The following HP1BP3 variants were observed in gnomAD, a reference collection of about 807,000 sequenced individuals.
The protein encoded by HP1BP3 is heterochromatin protein 1-binding protein 3.
In HP1BP3, 12 loss-of-function variants were observed where a neutral mutation model predicts 62.5. That is an observed-to-expected ratio of 0.19 (90% confidence interval 0.12 to 0.31). The LOEUF (loss-of-function observed/expected upper bound fraction) is 0.31, where lower values mean the gene tolerates loss of function less well. HP1BP3 is among the 10% of genes least tolerant of loss of function. The pLI is 1.00. For missense variants in HP1BP3, 502 were observed against 651.8 expected (o/e 0.77, Z 2.50); for synonymous variants, 260 against 237.8 (o/e 1.09, Z -0.86).
Position 20,780,482 on chromosome 1 carries a change from GCCTCTGCT to G in HP1BP3, c.-50_-43del. 7.3e-7 allele frequency: 1 copy of G among 1,374,110 alleles called. No individual in the cohort carries two copies. The highest frequency in any genetic ancestry group is 1.0e-6 in the Non-Finnish European group (1 of 961,716). The allele number at this position is 1,374,110 out of a possible 1,614,324, so 85.1% of individuals were successfully genotyped here. ...GCCCGAGTACAGGTTACACTCTGAA[GCCTCTGCT>G]GTTAACCACAAGGATTTTTCCTAAT... On this transcript the variant is annotated 5_prime_UTR_variant, in exon 2 of 13. Transcript: ENST00000438032.
At chr1:20,751,733 T>C (rs1252716951) in intron 9 of HP1BP3, among the ~76,000 whole-genome samples, 3 of 121,320 alleles carry the variant, frequency 2.5e-5, no homozygotes, top group African/African-American at 9.5e-5. Context: ...TAAAAATAAA[T>C]AATAAACTAA....
intron 1 of HP1BP3, among the ~76,000 whole-genome samples, chr1:20,782,908 G>GAAAA (rs1056907677): frequency 5.0e-5 from 6 of 119,884 alleles, no homozygotes; most frequent in Non-Finnish European, 5.1e-5. Flanking sequence ...TCAAAAAAAA[G>GAAAA]AAAAAAAAAA....
intron 6 of HP1BP3, among the ~76,000 whole-genome samples, chr1:20,768,515 T>G (rs1037949866): frequency 1.4e-4 from 21 of 152,160 alleles, no homozygotes; most frequent in African/African-American, 5.1e-4. Flanking sequence ...ATATTTCCAG[T>G]TCACAAAGCA....
intron 9 of HP1BP3, among the ~76,000 whole-genome samples, chr1:20,751,789 T>C (rs76298514): frequency 0.02 from 3,071 of 150,468 alleles, 55 homozygotes; most frequent in Non-Finnish European, 0.027. Context: ...TAGCATACTT[T>C]GAAAATGAAA....
chr1:20,770,863 G>GTTA, intron 6 of HP1BP3, 67 bp downstream of exon 6: 1 of 1,219,320 alleles, frequency 8.2e-7, no homozygotes. Flanking sequence ...AAGCCTAAAT[G>GTTA]TTACTAACTG....
chr1:20,774,749 C>G (rs547048656), intron 4 of HP1BP3: 1 of 152,268 alleles, frequency 6.6e-6, no homozygotes, highest in African/African-American at 2.4e-5. Flanking sequence ...CTTTGGGAGG[C>G]CAAGGTGGGC....
At chr1:20,749,401 C>T (rs1209208487) in intron 10 of HP1BP3, among the ~76,000 whole-genome samples, 6 of 149,286 alleles carry the variant, frequency 4.0e-5, no homozygotes, top group Admixed American at 6.7e-5. Context: ...AACTATTGTC[C>T]GGATTGGAGT....
intron 9 of HP1BP3, among the ~76,000 whole-genome samples, chr1:20,752,419 C>T (rs1009980700): frequency 4.6e-5 from 7 of 151,960 alleles, no homozygotes; most frequent in Admixed American, 6.6e-5. Flanking sequence ...GTCTACCTCC[C>T]GAGTAGCTGG....
rs758629759 is a variant in HP1BP3, at chr1:20,745,629, C to T, written c.1281G>A (p.Glu427=). 1.2e-6 allele frequency: 2 copies of T among 1,614,046 alleles called. No individual in the cohort carries two copies. The highest frequency in any genetic ancestry group is 1.1e-5 in the South Asian group (1 of 91,078). Residue 427 remains glutamate (E), a synonymous_variant, in exon 12 of 13, where the codon GAG becomes GAA. Coordinates refer to ENST00000438032, the MANE Select transcript of HP1BP3 (RefSeq NM_001372052.1). ...PSPGVLFPKK[E]PDDSRDEDED... ...CATCCTCATCTCTAGAATCATCTGG[C>T]TCTTTCTTCGGAAACAGAACTCCTG...
chr1:20,759,942 G>A (rs1192010775), intron 8 of HP1BP3, among the ~76,000 whole-genome samples: 2 of 147,482 alleles, frequency 1.4e-5, no homozygotes, highest in Non-Finnish European at 3.0e-5. Flanking sequence ...AGGCTGGAGT[G>A]CAGTGGCACA....
At chr1:20,775,884 G>C in intron 4 of HP1BP3, 2 of 1,356,588 alleles carry the variant, frequency 1.5e-6, no homozygotes, top group Non-Finnish European at 2.0e-6. Context: ...TGATGAAATC[G>C]CCTAAAGATG....
rs546162510 is a variant in HP1BP3 at position 20,744,207 on chromosome 1, A to G, written c.*590T>C. 2.6e-5 allele frequency: 4 copies of G among 152,680 alleles called. No individual in the cohort carries two copies. Among genetic ancestry groups the G allele is most frequent in the Non-Finnish European group, 4.4e-5 (3 of 68,118 alleles). 9.5% of individuals were successfully genotyped at this position (152,680 alleles called of 1,614,324 possible). On this transcript the variant is annotated 3_prime_UTR_variant, in exon 13 of 13. Coordinates refer to ENST00000438032, the MANE Select transcript of HP1BP3 (RefSeq NM_001372052.1). ...ATGAAATGTAGCCCAAAGGAGTCAT[A>G]TATCTTCAAAATCTAATGAGATCAC...
chr1:20,775,432 T>C lies in HP1BP3; in HGVS notation c.350+1165A>G, dbSNP rs573267829. On this transcript the variant is annotated intron_variant, in intron 4 of 12. Coordinates refer to ENST00000438032, the MANE Select transcript of HP1BP3 (RefSeq NM_001372052.1). ...TCCTAAGTAGCTAGGGCTACAGCTG[T>C]GCACCATTGCGTCCGGCTTGTGTCT... 2.6e-5 allele frequency: 4 copies of C among 152,354 alleles called. No homozygotes were observed. The South Asian group carries it at 8.3e-4, about 32-fold the overall frequency. 9.4% of individuals were successfully genotyped at this position (152,354 alleles called of 1,614,324 possible).
chr1:20,754,981 C>T (rs557788892), intron 9 of HP1BP3, among the ~76,000 whole-genome samples: 8 of 152,136 alleles, frequency 5.3e-5, no homozygotes, highest in East Asian at 1.9e-4. Context: ...AAAAAGTAAA[C>T]GCTTCAAAAG....
At chr1:20,751,673 T>C (rs1026019824) in intron 9 of HP1BP3, among the ~76,000 whole-genome samples, 1 of 151,436 alleles carries the variant, frequency 6.6e-6, no homozygotes, top group Admixed American at 6.6e-5. Flanking sequence ...TAGTGAGCTA[T>C]GATTACATCA....
At chr1:20,748,716 C>A (rs939353545) in intron 10 of HP1BP3, among the ~76,000 whole-genome samples, 1 of 151,826 alleles carries the variant, frequency 6.6e-6, no homozygotes, top group Admixed American at 6.6e-5. Context: ...GAGCCAAGAT[C>A]GCACCACTGC....
chr1:20,749,363 TTTC>T (rs996148550), intron 10 of HP1BP3, among the ~76,000 whole-genome samples: 13 of 150,370 alleles, frequency 8.6e-5, no homozygotes, highest in South Asian at 2.1e-4. Context: ...TTTCTTTTCT[TTTC>T]TTTTTTTTTG....
At chr1:20,774,535 A>G (rs2057212274) in intron 4 of HP1BP3, 1 of 152,220 alleles carries the variant, frequency 6.6e-6, no homozygotes, top group Non-Finnish European at 1.5e-5. Context: ...CAGACCACAT[A>G]TACAATGGTG....
intron 6 of HP1BP3, among the ~76,000 whole-genome samples, chr1:20,768,909 G>A (rs1332930913): frequency 1.3e-5 from 2 of 152,284 alleles, no homozygotes; most frequent in East Asian, 3.9e-4. Context: ...CAATCAAGCT[G>A]GAATGCTTTT....
Sources: allele counts gnomAD v4.1 joint callset (sites outside exome capture counted in the v4.1 genomes callset), GRCh38; gene constraint gnomAD v4.1.1; transcripts MANE v1.5; gene names NCBI Gene and HGNC (gene_info 2026-07-23, HGNC 2026-07-21).